The following DGAT2 variants were observed in gnomAD, a reference collection of about 807,000 sequenced individuals.
The protein encoded by DGAT2 is diacylglycerol O-acyltransferase 2.
DGAT2 carries 33 observed loss-of-function variants against 48.4 expected under a neutral mutation model. The observed-to-expected ratio is 0.68, with a 90% CI of 0.52 to 0.91. The LOEUF (loss-of-function observed/expected upper bound fraction) is 0.91. Ranked by LOEUF, DGAT2 falls within the 40% of genes least tolerant of loss-of-function variation. The pLI is 0.00. For missense variants in DGAT2, 446 were observed against 493.7 expected, an observed-to-expected ratio of 0.90 and a Z score of 0.92; for synonymous variants, 191 against 194.1, an observed-to-expected ratio of 0.98 and a Z score of 0.13.
At chr11:75,789,202 T>C (rs1178587569) in intron 2 of DGAT2, among the ~76,000 whole-genome samples, 1 of 151,964 alleles carries the variant, frequency 6.6e-6, no homozygotes, top group African/African-American at 2.4e-5. Flanking sequence ...CAGGTTGCAG[T>C]GTAGTGGCGC....
At position 75,798,434 on chromosome 11, in the gene DGAT2, GC is replaced by G; in HGVS notation, c.1012+9del. ...CCAAGCCCATCACCACTGTTGGTAA[GC>G]CCCTAGCCTGCAGACCAAGGGCTGT... On this transcript the variant is annotated splice_donor_region_variant and intron_variant, in intron 7 of 7. Coordinates refer to ENST00000228027, the MANE Select transcript of DGAT2 (RefSeq NM_032564.5). 1.2e-6 allele frequency: 2 copies of G among 1,612,192 alleles called. No individual in the cohort carries two copies. The highest frequency in any genetic ancestry group is 1.7e-6 in the Non-Finnish European group (2 of 1,179,996).
chr11:75,781,229 A>C (rs1944859579), intron 1 of DGAT2, among the ~76,000 whole-genome samples: 2 of 152,264 alleles, frequency 1.3e-5, no homozygotes, highest in South Asian at 4.1e-4. Context: ...ATCCCAGAGA[A>C]GGAAAGGCCT....
At chr11:75,798,576 A>C in intron 7 of DGAT2, 147 bp downstream of exon 7, 1 of 908,450 alleles carries the variant, frequency 1.1e-6, no homozygotes, top group Non-Finnish European at 1.7e-6. Context: ...TTGGGTGCTG[A>C]TATTGGTCAG....
chr11:75,798,207 C>T lies in DGAT2; in HGVS notation c.810-20C>T. 1 of 1,613,624 alleles carries T rather than the reference C, an allele frequency of 6.2e-7. No homozygotes were observed. Among genetic ancestry groups the T allele is most frequent in the Middle Eastern group, 1.7e-4 (1 of 6,060 alleles). The stretch of plus-strand genomic sequence containing the variant: ...AAGCCAGTAAGTAGGGTATGACAGA[C>T]CCTGGCCTCTCCCTTCCAGAGCTGA... On this transcript the variant is annotated intron_variant, in intron 6 of 7. Transcript: ENST00000228027.
chr11:75,799,591 T>A (rs1803421594), intron 7 of DGAT2, among the ~76,000 whole-genome samples: 1 of 151,878 alleles, frequency 6.6e-6, no homozygotes, highest in Non-Finnish European at 1.5e-5. Flanking sequence ...CCTCCTCTCC[T>A]GCCCTTAACC....
chr11:75,798,469 CAG>C (rs1945079755), intron 7 of DGAT2, 40 bp downstream of exon 7: 2 of 1,602,428 alleles, frequency 1.2e-6, no homozygotes, highest in Non-Finnish European at 8.5e-7. Flanking sequence ...GTCCTGAACA[CAG>C]GGTGCCATAC....
chr11:75,796,629 T>G (rs1945058351), intron 5 of DGAT2, 97 bp downstream of exon 5: 1 of 1,307,522 alleles, frequency 7.6e-7, no homozygotes, highest in South Asian at 1.4e-5. Flanking sequence ...ACACCATTCC[T>G]TGGTGCTGGG....
At chr11:75,783,998 C>G (rs1944895033) in intron 1 of DGAT2, among the ~76,000 whole-genome samples, 2 of 152,048 alleles carry the variant, frequency 1.3e-5, no homozygotes, top group Non-Finnish European at 2.9e-5. Context: ...GCTTTGGGCA[C>G]TGAGATGAGG....
At chr11:75,788,058 G>GCC (rs1480299077) in intron 2 of DGAT2, among the ~76,000 whole-genome samples, 2 of 152,150 alleles carry the variant, frequency 1.3e-5, no homozygotes, top group Non-Finnish European at 2.9e-5. Context: ...CTGGAGCTCA[G>GCC]CCCCCTCTGG....
chr11:75,772,315 A>G (rs1273150307), intron 1 of DGAT2, among the ~76,000 whole-genome samples: 4 of 152,122 alleles, frequency 2.6e-5, no homozygotes, highest in Non-Finnish European at 5.9e-5. Context: ...CAGACTTTCC[A>G]AACTCTTCCT....
At chr11:75,770,619 G>C (rs10899118) in intron 1 of DGAT2, among the ~76,000 whole-genome samples, 34,165 of 152,070 alleles carry the variant, frequency 0.22, 6,435 homozygotes, top group African/African-American at 0.51. Flanking sequence ...ACCCCATTCC[G>C]TCGGCTCTGC....
At chr11:75,794,865 T>C (rs1945030861) in intron 4 of DGAT2, 1 of 152,076 alleles carries the variant, frequency 6.6e-6, no homozygotes. Context: ...TAAATTTTCT[T>C]TTTGCTTTCC....
rs1453793021 is a variant in DGAT2 at position 75,797,446 on chromosome 11, C to T, written c.809+114C>T. 8 of 1,223,210 alleles carry T rather than the reference C, an allele frequency of 6.5e-6. No individual in the cohort carries two copies. The Admixed American group carries it at 1.8e-4, about 28-fold the overall frequency. 75.8% of individuals were successfully genotyped at this position (1,223,210 alleles called of 1,614,324 possible). ...ACCCCAGGAAGGCATGGAAGGGAGT[C>T]AGTCATTCTGTTAGGGAGGGGATGT... is the stretch of plus-strand genomic sequence containing the variant. On this transcript the variant is annotated intron_variant, in intron 6 of 7. Coordinates refer to ENST00000228027, the MANE Select transcript of DGAT2 (RefSeq NM_032564.5).
chr11:75,799,510 T>C (rs1945089373), intron 7 of DGAT2, among the ~76,000 whole-genome samples: 1 of 152,028 alleles, frequency 6.6e-6, no homozygotes, highest in Non-Finnish European at 1.5e-5. Flanking sequence ...GACATAGGAA[T>C]GGATTGGGTA....
rs537793697 is a variant in DGAT2, at chr11:75,769,249, A to T, written c.121+137A>T. 39 of 1,115,398 alleles carry T rather than the reference A, an allele frequency of 3.5e-5. No homozygotes were observed. The South Asian group carries it at 8.8e-4, about 25-fold the overall frequency. The allele number at this position is 1,115,398 out of a possible 1,614,324, so 69.1% of individuals were successfully genotyped here. The stretch of plus-strand genomic sequence containing the variant: ...CATCAATTTTTACGACCTCTGTTAC[A>T]TCGCTTTCCACCCGCCCCCCAGCTT... On this transcript the variant is annotated intron_variant, in intron 1 of 7. Transcript: ENST00000228027.
At chr11:75,782,649 A>G (rs1944878822) in intron 1 of DGAT2, among the ~76,000 whole-genome samples, 1 of 152,212 alleles carries the variant, frequency 6.6e-6, no homozygotes, top group Non-Finnish European at 1.5e-5. Flanking sequence ...CTTGTAGGTG[A>G]AGGTGAAAGG....
intron 3 of DGAT2, 73 bp from the exon 4 acceptor site, chr11:75,790,588 A>C: frequency 7.0e-7 from 1 of 1,425,738 alleles, no homozygotes. Context: ...TGGGTTTCAC[A>C]CTGGCCCTGT....
At position 75,796,469 on chromosome 11, in the gene DGAT2, T is replaced by C; in HGVS notation, c.571T>C (p.Tyr191His). The part of the protein sequence containing the change: ...VSKKFPGIRP[Y>H]LATLAGNFRM... Reference sequence around the variant, plus strand: ...CAAGAAGTTCCCAGGCATACGGCCTTACCTGGCTACACTGGCAGGCAACTT... The same window carrying C: ...CAAGAAGTTCCCAGGCATACGGCCTCACCTGGCTACACTGGCAGGCAACTT... Residue 191 changes from tyrosine to histidine, a missense_variant, in exon 5 of 8, where the codon TAC (tyrosine) becomes CAC (histidine). Coordinates refer to ENST00000228027, the MANE Select transcript of DGAT2 (RefSeq NM_032564.5). 6 of 1,613,942 alleles carry C rather than the reference T, an allele frequency of 3.7e-6. No homozygotes were observed. The highest frequency in any genetic ancestry group is 5.1e-6 in the Non-Finnish European group (6 of 1,180,022).
chr11:75,774,446 C>T (rs903856763), intron 1 of DGAT2, among the ~76,000 whole-genome samples: 1 of 152,238 alleles, frequency 6.6e-6, no homozygotes, highest in African/African-American at 2.4e-5. Flanking sequence ...GAAACACAAA[C>T]TCCTTTTCTT....
Sources: gnomAD v4.1 joint callset for allele counts (sites outside exome capture counted in the v4.1 genomes callset) on GRCh38, gnomAD v4.1.1 for gene constraint, MANE v1.5 for transcripts, NCBI Gene and HGNC (gene_info 2026-07-23, HGNC 2026-07-21) for gene names.